The following CNTN4 variants were observed in gnomAD, a reference collection of about 807,000 sequenced individuals.
CNTN4 encodes contactin 4, also known as contactin-4.
In CNTN4, 77 loss-of-function variants were observed where a neutral mutation model predicts 122.5. The observed-to-expected ratio is 0.63, with a 90% CI of 0.52 to 0.76. The LOEUF is 0.76. Ranked by LOEUF, CNTN4 falls within the 30% of genes least tolerant of loss-of-function variation. CNTN4 has a pLI of 0.00. For synonymous variants in CNTN4, 512 were observed against 447.0 expected (o/e 1.15, Z -1.83); for missense variants, 1,256 against 1,259.1 (o/e 1.00, Z 0.04).
intron 23 of CNTN4, among the ~76,000 whole-genome samples, chr3:3,047,571 G>A (rs1574929126): frequency 6.9e-6 from 1 of 144,894 alleles, no homozygotes; most frequent in African/African-American, 2.6e-5. Flanking sequence ...GATGTTCTTT[G>A]AAACCAACGA....
chr3:2,780,377 A>C (rs2091521445), intron 6 of CNTN4, among the ~76,000 whole-genome samples: 1 of 152,148 alleles, frequency 6.6e-6, no homozygotes, highest in South Asian at 2.1e-4. Context: ...TGTTCCCCTA[A>C]AAACATGTTT....
At chr3:2,303,027 C>T (rs924769073) in intron 2 of CNTN4, among the ~76,000 whole-genome samples, 1 of 152,158 alleles carries the variant, frequency 6.6e-6, no homozygotes, top group Non-Finnish European at 1.5e-5. Context: ...TTGTCCTTCA[C>T]AGTTTACATA....
intron 3 of CNTN4, among the ~76,000 whole-genome samples, chr3:2,521,344 C>CGG (rs11391494): frequency 8.7e-5 from 2 of 23,024 alleles, no homozygotes; most frequent in Non-Finnish European, 8.0e-5. Flanking sequence ...CTCTACCCAT[C>CGG]CCCCCCACCC....
chr3:2,488,458 G>A (rs7636944), intron 3 of CNTN4, among the ~76,000 whole-genome samples: 1 of 151,960 alleles, frequency 6.6e-6, no homozygotes, highest in Non-Finnish European at 1.5e-5. Flanking sequence ...GTGTTGGGGG[G>A]TGTGTGTGCC....
chr3:2,347,387 C>A (rs560009987), intron 3 of CNTN4, among the ~76,000 whole-genome samples: 2 of 145,362 alleles, frequency 1.4e-5, no homozygotes, highest in East Asian at 2.0e-4. Flanking sequence ...TGGATGACTC[C>A]AAAGGCTATA....
chr3:2,875,416 C>T (rs1296237788), intron 8 of CNTN4, among the ~76,000 whole-genome samples: 1 of 152,180 alleles, frequency 6.6e-6, no homozygotes, highest in Non-Finnish European at 1.5e-5. Context: ...TCTGTTGATT[C>T]TATTGATTCT....
chr3:2,430,879 T>C (rs181632342), intron 3 of CNTN4, among the ~76,000 whole-genome samples: 1 of 152,298 alleles, frequency 6.6e-6, no homozygotes, highest in East Asian at 1.9e-4. Flanking sequence ...AACAGACTTA[T>C]CTAAACAGCT....
rs11129246 is a variant in CNTN4, at chr3:2,709,509, T to C, written c.56-26706T>C. Among the ~76,000 whole-genome samples the C allele has an allele frequency of 0.34, 51,858 of 152,012 alleles. 8,808 individuals carry two copies. The highest frequency in any genetic ancestry group is 0.37 in the African/African-American group (15,304 of 41,462). On this transcript the variant is annotated intron_variant, in intron 4 of 24. Transcript: ENST00000418658. This position sits in a 1 kb window ranked among gnomAD's most constrained non-coding sequence, Gnocchi z 5.0. ...CCCGCAATTACAGGGTTTTATATCG[T>C]TTGCCTCAGGCTAAAGATTTATGCC...
At chr3:2,447,117 GTCT>G (rs1314511540) in intron 3 of CNTN4, among the ~76,000 whole-genome samples, 1 of 152,052 alleles carries the variant, frequency 6.6e-6, no homozygotes, top group Non-Finnish European at 1.5e-5. Context: ...ATTATAATGA[GTCT>G]TCTTTTTTTC....
chr3:2,620,855 G>T (rs2081963419), intron 4 of CNTN4, among the ~76,000 whole-genome samples: 1 of 152,112 alleles, frequency 6.6e-6, no homozygotes, highest in African/African-American at 2.4e-5. Context: ...AAAAATTAAA[G>T]TTGGTTAGGT....
chr3:2,790,931 G>A (rs1173538228), intron 6 of CNTN4, among the ~76,000 whole-genome samples: 1 of 152,118 alleles, frequency 6.6e-6, no homozygotes, highest in Non-Finnish European at 1.5e-5. Context: ...TTTAGATAAG[G>A]TTCAAATGAG....
At chr3:2,251,244 A>T (rs143219306) in intron 2 of CNTN4, among the ~76,000 whole-genome samples, 1 of 151,936 alleles carries the variant, frequency 6.6e-6, no homozygotes, top group Admixed American at 6.6e-5. Context: ...CACCTAAGAT[A>T]TTAAATATTT....
chr3:2,994,662 T>A (rs754099900), intron 14 of CNTN4, among the ~76,000 whole-genome samples: 12 of 151,418 alleles, frequency 7.9e-5, no homozygotes, highest in Non-Finnish European at 1.8e-4. Context: ...TCTACAGCAT[T>A]ACTATTGCGC....
intron 3 of CNTN4, among the ~76,000 whole-genome samples, chr3:2,366,540 A>T (rs1370632839): frequency 6.6e-6 from 1 of 152,086 alleles, no homozygotes; most frequent in East Asian, 1.9e-4. Flanking sequence ...ATCCTGGCTA[A>T]CATGGTGAAA....
chr3:2,615,356 G>C (rs1476871651), intron 4 of CNTN4, among the ~76,000 whole-genome samples: 1 of 152,146 alleles, frequency 6.6e-6, no homozygotes, highest in Non-Finnish European at 1.5e-5. Context: ...AACCTTGCAG[G>C]TGTCAGTGAT....
At chr3:2,537,690 T>C (rs537267739) in intron 3 of CNTN4, among the ~76,000 whole-genome samples, 1 of 152,212 alleles carries the variant, frequency 6.6e-6, no homozygotes, top group Non-Finnish European at 1.5e-5. Context: ...ATTTCGTTGG[T>C]CTTATGGACC....
At chr3:2,745,872 AAGTG>A (rs1345549100) in intron 6 of CNTN4, among the ~76,000 whole-genome samples, 175 bp downstream of exon 6, 1 of 152,220 alleles carries the variant, frequency 6.6e-6, no homozygotes, top group Non-Finnish European at 1.5e-5. Flanking sequence ...CTGTAAATCT[AAGTG>A]AGAAGATGTA....
intron 4 of CNTN4, among the ~76,000 whole-genome samples, chr3:2,627,782 C>T (rs529926419): frequency 5.9e-5 from 9 of 152,214 alleles, no homozygotes; most frequent in South Asian, 4.2e-4. Context: ...CGTGAGCCAC[C>T]GTGCCTGGCC....
At chr3:2,774,972 C>G (rs1031034233) in intron 6 of CNTN4, among the ~76,000 whole-genome samples, 5 of 152,192 alleles carry the variant, frequency 3.3e-5, no homozygotes, top group African/African-American at 1.2e-4. Context: ...GCACGGACAG[C>G]GATTTCAGCT....
Sources: gnomAD v4.1 joint callset for allele counts (sites outside exome capture counted in the v4.1 genomes callset) on GRCh38, gnomAD v4.1.1 for gene constraint, Gnocchi (gnomAD v3.1) non-coding constraint, MANE v1.5 for transcripts, NCBI Gene and HGNC (gene_info 2026-07-23, HGNC 2026-07-21) for gene names.